The following PELP1 variants were observed in gnomAD, a reference collection of about 807,000 sequenced individuals.
PELP1 encodes proline-, glutamic acid- and leucine-rich protein 1.
PELP1 carries 32 observed loss-of-function variants against 95.5 expected under a neutral mutation model. The ratio of observed to expected loss-of-function variants is 0.34; its 90% CI spans 0.25 to 0.45. PELP1 has a LOEUF of 0.45. PELP1 is among the 20% of genes least tolerant of loss of function. The probability of loss-of-function intolerance (pLI) is 1.00; values close to 1 mark genes in which losing one functional copy is unlikely to be tolerated. For synonymous variants in PELP1, 668 were observed against 600.1 expected, an observed-to-expected ratio of 1.11 and a Z score of -1.65; for missense variants, 1,358 against 1,444.8, an observed-to-expected ratio of 0.94 and a Z score of 0.97.
At chr17:4,683,359 T>C (rs1320003079) in intron 3 of PELP1, among the ~76,000 whole-genome samples, 2 of 151,644 alleles carry the variant, frequency 1.3e-5, no homozygotes, top group Admixed American at 6.6e-5. Flanking sequence ...TAGCTGAGAC[T>C]ACAAGCGCCC....
At chr17:4,685,997 T>TGC (rs1488138266) in intron 3 of PELP1, among the ~76,000 whole-genome samples, 2 of 152,012 alleles carry the variant, frequency 1.3e-5, no homozygotes, top group African/African-American at 4.8e-5. Flanking sequence ...CTCAGGAGGC[T>TGC]GAGGCAGGAA....
chr17:4,683,435 T>A (rs190156671), intron 3 of PELP1, among the ~76,000 whole-genome samples: 2 of 151,228 alleles, frequency 1.3e-5, no homozygotes, highest in African/African-American at 2.4e-5. Context: ...TTAGCCAGGA[T>A]GGTCTCGATC....
At position 4,673,039 on chromosome 17, in the gene PELP1, A is replaced by C. The variant is rs749062848; in HGVS notation, c.1952T>G (p.Val651Gly). ...MGPTCPTPAP[V>G]PPPEAPSPFR... is the part of the protein sequence containing the mutation. ...GGGCGATGGGGCCTCAGGAGGGGGA[A>C]CTGGAGCAGGTGTGGGGCAGGTGGG... Residue 651 changes from valine (V) to glycine (G), a missense_variant, in exon 16 of 17, where the codon GTT becomes GGT. By Grantham distance (109) the Val-to-Gly change is moderately radical. Around this residue, in one of 7 missense-constraint regions of PELP1, gnomAD observed 340 missense variants for 322.9 expected, o/e 1.05. Coordinates refer to ENST00000572293, the MANE Select transcript of PELP1 (RefSeq NM_014389.3). The surrounding 1 kb of genome is among the most constrained non-coding windows in gnomAD (Gnocchi z 5.7). 7 of 1,531,368 alleles carry C rather than the reference A, an allele frequency of 4.6e-6. No individual in the cohort carries two copies. The highest frequency in any genetic ancestry group is 6.1e-6 in the Non-Finnish European group (7 of 1,142,052). 94.9% of individuals were successfully genotyped at this position (1,531,368 alleles called of 1,614,324 possible).
chr17:4,684,362 C>T (rs900048903), intron 3 of PELP1, among the ~76,000 whole-genome samples: 2 of 152,178 alleles, frequency 1.3e-5, no homozygotes, highest in African/African-American at 2.4e-5. Context: ...TTGCCCATAA[C>T]TTCACAGAAA....
At chr17:4,701,518 G>A (rs922715872) in intron 1 of PELP1, among the ~76,000 whole-genome samples, 3 of 152,194 alleles carry the variant, frequency 2.0e-5, no homozygotes, top group Non-Finnish European at 4.4e-5. Context: ...AAGGAGACCC[G>A]TTAGAAGATT....
rs552996886 is a variant in PELP1 at position 4,671,244 on chromosome 17, G to T, written c.*195C>A. The T allele has an allele frequency of 3.7e-5, 22 of 598,472 alleles. No homozygotes were observed. The highest frequency in any genetic ancestry group is 3.5e-4 in the African/African-American group (19 of 53,932). 37.1% of individuals were successfully genotyped at this position (598,472 alleles called of 1,614,324 possible). ...TGATGGGACAGTCCATTACACCAAT[G>T]TCAGTTGTTCCTCTCTGGATCGTCA... On this transcript the variant is annotated 3_prime_UTR_variant, in exon 17 of 17. Transcript: ENST00000572293.
intron 5 of PELP1, 42 bp from the exon 6 acceptor site, chr17:4,676,854 C>A: frequency 6.8e-7 from 1 of 1,461,744 alleles, no homozygotes; most frequent in Non-Finnish European, 9.4e-7. Context: ...TGAGCCAGCT[C>A]TGAGAGCCAG....
At chr17:4,698,635 G>A (rs1399538068) in intron 1 of PELP1, among the ~76,000 whole-genome samples, 14 of 24,352 alleles carry the variant, frequency 5.7e-4, no homozygotes, top group South Asian at 3.4e-3. Flanking sequence ...GACTGAGATT[G>A]TCTCAAAAAA....
chr17:4,694,863 C>T (rs964117717), intron 1 of PELP1, among the ~76,000 whole-genome samples: 1 of 150,172 alleles, frequency 6.7e-6, no homozygotes, highest in Non-Finnish European at 1.5e-5. Flanking sequence ...CCCAGCTACT[C>T]GGGAGGCTAA....
intron 3 of PELP1, chr17:4,683,221 C>CT (rs34420450): frequency 1.6e-4 from 39 of 236,416 alleles, no homozygotes; most frequent in African/African-American, 9.8e-4. Flanking sequence ...GAAGAGTTTT[C>CT]TTTTTTTTTT....
chr17:4,684,433 C>G (rs532323168), intron 3 of PELP1, among the ~76,000 whole-genome samples: 2 of 152,282 alleles, frequency 1.3e-5, no homozygotes, highest in Non-Finnish European at 2.9e-5. Flanking sequence ...TTTGCACCAA[C>G]CTAATAAAAC....
At chr17:4,699,318 T>C (rs1482121165) in intron 1 of PELP1, among the ~76,000 whole-genome samples, 1 of 151,844 alleles carries the variant, frequency 6.6e-6, no homozygotes, top group Admixed American at 6.6e-5. Context: ...AGGCAGAGCT[T>C]GCAGTGAGCC....
Position 4,673,199 on chromosome 17 carries a change from GGAAA to G in PELP1, c.1845+47_1845+50del, listed in dbSNP as rs1912309274. The G allele has an allele frequency of 1.4e-5, 22 of 1,529,488 alleles. No individual in the cohort carries two copies. Among genetic ancestry groups the G allele is most frequent in the African/African-American group, 1.1e-4 (8 of 72,286 alleles). 94.7% of individuals were successfully genotyped at this position (1,529,488 alleles called of 1,614,324 possible). Reference sequence around the variant, plus strand: ...GCACCAGAAATACTGGGAGTCTCTTGGAAACAAGAGACTCCAGGAACCAAAGAGG... The same window carrying G: ...GCACCAGAAATACTGGGAGTCTCTTGCAAGAGACTCCAGGAACCAAAGAGG... On this transcript the variant is annotated intron_variant, in intron 15 of 16. Transcript: ENST00000572293. The surrounding 1 kb of genome is among the most constrained non-coding windows in gnomAD (Gnocchi z 5.7).
Position 4,676,521 on chromosome 17 carries a change from G to C in PELP1, c.703-14C>G, listed in dbSNP as rs1453786764. 4 of 1,612,868 alleles carry C rather than the reference G, an allele frequency of 2.5e-6. No homozygotes were observed. In the African/African-American group the frequency reaches 4.0e-5, roughly 16 times the overall value. ...CTCACAGGCCAACTGCGGGAGAAAG[G>C]ACAGAAACCTGGTCAGATGGGAATC... is the stretch of plus-strand genomic sequence containing the variant. On this transcript the variant is annotated splice_polypyrimidine_tract_variant and intron_variant, in intron 6 of 16. Coordinates refer to ENST00000572293, the MANE Select transcript of PELP1 (RefSeq NM_014389.3).
In PELP1 at chr17:4,674,603, G is replaced by C; in HGVS notation, c.1489C>G (p.Leu497Val). The change falls in exon 13 of 17, where the codon CTA becomes GTA. Residue 497 changes from leucine to valine, a missense_variant. Leu to Val is a conservative substitution (Grantham distance 32, BLOSUM62 1). Coordinates refer to ENST00000572293, the MANE Select transcript of PELP1 (RefSeq NM_014389.3). ...QTGKPSAPKK[L>V]KLDVGEAMAP... ...ATAGCTTCCCCCACATCCAGCTTTA[G>C]CTTCTTGGGGGCGCTAGGCTTCCCA... The C allele has an allele frequency of 1.2e-6, 2 of 1,609,354 alleles. No individual in the cohort carries two copies. Among genetic ancestry groups the C allele is most frequent in the Non-Finnish European group, 1.7e-6 (2 of 1,178,600 alleles).
In PELP1 at chr17:4,675,181, A is replaced by G; in HGVS notation, c.1172T>C (p.Leu391Pro). The change falls in exon 11 of 17, where the codon CTC (leucine) becomes CCC (proline). Residue 391 changes from leucine (L) to proline (P), a missense_variant. Leu to Pro is a moderately conservative substitution (Grantham distance 98, BLOSUM62 -3). This residue lies in a region of PELP1 where 538 missense variants were observed against 628.1 expected (regional missense o/e 0.86). Transcript: ENST00000572293. This position sits in a 1 kb window ranked among gnomAD's most constrained non-coding sequence, Gnocchi z 4.3. ...SALILACGSR[L>P]LRFGILIGRL... The stretch of plus-strand genomic sequence containing the variant: ...GCCGATCAGGATCCCAAAGCGCAAG[A>G]GCCGGCTTCCACACCTGGGGCAGAG... 1 of 1,613,770 alleles carries G rather than the reference A, an allele frequency of 6.2e-7. No individual in the cohort carries two copies. Among genetic ancestry groups the G allele is most frequent in the Non-Finnish European group, 8.5e-7 (1 of 1,179,810 alleles).
At chr17:4,688,921 C>T (rs868115404) in intron 3 of PELP1, among the ~76,000 whole-genome samples, 1 of 152,026 alleles carries the variant, frequency 6.6e-6, no homozygotes, top group African/African-American at 2.4e-5. Flanking sequence ...CAAATCTGGG[C>T]GCATCACATT....
chr17:4,676,088 G>A lies in PELP1; in HGVS notation c.928C>T (p.Gln310Ter). ...SEDGDAHVLL[Q>*]LRQRFSGLAR... Reference sequence around the variant, plus strand: ...AGTCCCGAAAACCTCTGCCGAAGCTGGAGAAGGACATGGGCATCACCATCT... The same window carrying A: ...AGTCCCGAAAACCTCTGCCGAAGCTAGAGAAGGACATGGGCATCACCATCT... The change falls in exon 8 of 17, where the codon CAG (glutamine) becomes TAG (stop). Residue 310 changes from glutamine to a stop codon, truncating the protein, a stop_gained. Transcript: ENST00000572293. LOFTEE classifies it high-confidence loss of function. The A allele has an allele frequency of 6.2e-7, 1 of 1,613,998 alleles. No homozygotes were observed. The highest frequency in any genetic ancestry group is 8.5e-7 in the Non-Finnish European group (1 of 1,179,886).
rs759460292 is a variant in PELP1 at position 4,703,880 on chromosome 17, A to G, written c.232T>C (p.Ser78Pro). The stretch of plus-strand genomic sequence containing the variant: ...GGACTCACCTGGGCCCCGCCCACCG[A>G]CCCATGCAGCCGCAATAGGCACATG... The part of the protein sequence containing the change: ...GLMCLLRLHG[S>P]VGGAQNLSAL... Residue 78 changes from serine to proline, a missense_variant, in exon 1 of 17, where the codon TCG becomes CCG. Physicochemically the swap from Ser to Pro is moderately conservative, Grantham distance 74. Transcript: ENST00000572293. 6.2e-7 allele frequency: 1 copy of G among 1,612,114 alleles called. No individual in the cohort carries two copies. The highest frequency in any genetic ancestry group is 1.1e-5 in the South Asian group (1 of 91,006).
Sources: gnomAD v4.1 joint callset for allele counts (sites outside exome capture counted in the v4.1 genomes callset) on GRCh38, gnomAD v4.1.1 for gene constraint, gnomAD v4.1.1 regional missense constraint, Gnocchi (gnomAD v3.1) non-coding constraint, MANE v1.5 for transcripts, NCBI Gene and HGNC (gene_info 2026-07-23, HGNC 2026-07-21) for gene names.